ELF1: variants seen among roughly 807,000 people sequenced by gnomAD.
ELF1 encodes E74 like ETS transcription factor 1, also known as ETS-related transcription factor Elf-1.
A neutral mutation model predicts 59.9 loss-of-function variants in ELF1; 24 were observed. The observed-to-expected ratio is 0.40, with a 90% CI of 0.29 to 0.56. The LOEUF (loss-of-function observed/expected upper bound fraction) is 0.56, where lower values mean the gene tolerates loss of function less well. Ranked by LOEUF, ELF1 falls within the 20% of genes least tolerant of loss-of-function variation. The pLI is 0.44. For synonymous variants in ELF1, 248 were observed against 266.2 expected, an observed-to-expected ratio of 0.93 and a Z score of 0.67; for missense variants, 627 against 742.2, an observed-to-expected ratio of 0.84 and a Z score of 1.80.
intron 1 of ELF1, among the ~76,000 whole-genome samples, chr13:41,057,071 T>C (rs530874608): frequency 6.6e-6 from 1 of 152,074 alleles, no homozygotes; most frequent in South Asian, 2.1e-4. Flanking sequence ...TTAGCTGAAA[T>C]GCAGTAATTG....
At chr13:41,042,578 G>C (rs886498238) in intron 1 of ELF1, among the ~76,000 whole-genome samples, 3 of 151,930 alleles carry the variant, frequency 2.0e-5, no homozygotes, top group African/African-American at 4.8e-5. Flanking sequence ...TTGTCCTTGC[G>C]ATAGTTTGCT....
chr13:40,975,720 T>C (rs1872865022), intron 2 of ELF1, among the ~76,000 whole-genome samples: 1 of 152,192 alleles, frequency 6.6e-6, no homozygotes, highest in African/African-American at 2.4e-5. Context: ...GTGGGCAAGG[T>C]ATCACCCTCT....
intron 1 of ELF1, among the ~76,000 whole-genome samples, chr13:41,057,202 C>T (rs1877319135): frequency 6.7e-6 from 1 of 150,174 alleles, no homozygotes; most frequent in Non-Finnish European, 1.5e-5. Flanking sequence ...TGCTCTGTCA[C>T]CTGGAGTGTA....
At chr13:40,955,007 G>A (rs1428965080) in intron 3 of ELF1, among the ~76,000 whole-genome samples, 161 of 149,702 alleles carry the variant, frequency 1.1e-3, no homozygotes, top group African/African-American at 3.7e-3. Flanking sequence ...AGTGAGGAGC[G>A]TCTCTGCCAG....
upstream of ELF1, among the ~76,000 whole-genome samples, chr13:41,022,957 G>T (rs1875746949): frequency 6.6e-6 from 1 of 152,046 alleles, no homozygotes; most frequent in African/African-American, 2.4e-5. Flanking sequence ...AAGGGAGGAA[G>T]GGAGGAAGGA....
chr13:40,964,646 C>A (rs1304766075), intron 2 of ELF1, among the ~76,000 whole-genome samples: 2 of 152,160 alleles, frequency 1.3e-5, no homozygotes, highest in African/African-American at 2.4e-5. Context: ...GCGATCCTCT[C>A]ACCTCAGCCT....
intron 1 of ELF1, among the ~76,000 whole-genome samples, chr13:41,041,101 G>A (rs1306003356): frequency 2.6e-5 from 4 of 152,036 alleles, no homozygotes; most frequent in Admixed American, 1.3e-4. Flanking sequence ...CATCAGGAGA[G>A]AAAATTATAG....
chr13:41,046,294 A>C (rs367989612), intron 1 of ELF1, among the ~76,000 whole-genome samples: 1 of 152,156 alleles, frequency 6.6e-6, no homozygotes, highest in African/African-American at 2.4e-5. Flanking sequence ...ATTTAAGGTT[A>C]ATATTGTTAT....
chr13:40,949,304 A>G (rs1021429015), intron 5 of ELF1, among the ~76,000 whole-genome samples: 1 of 151,760 alleles, frequency 6.6e-6, no homozygotes, highest in African/African-American at 2.4e-5. Flanking sequence ...TAATTTTTTA[A>G]AAGAAATGAT....
At chr13:41,023,223 G>A (rs189745746), upstream of ELF1, among the ~76,000 whole-genome samples, 653 of 152,068 alleles carry the variant, frequency 4.3e-3, 3 homozygotes, top group Middle Eastern at 0.01. Context: ...ATTGTGCTAG[G>A]GCTCATTTTT....
chr13:41,004,344 G>A (rs1874628283), intron 1 of ELF1, among the ~76,000 whole-genome samples: 2 of 151,944 alleles, frequency 1.3e-5, no homozygotes, highest in Admixed American at 1.3e-4. Context: ...GAGAGAACAT[G>A]AAAGGAAAGG....
chr13:41,024,422 C>T (rs1361411483), intron 1 of ELF1, among the ~76,000 whole-genome samples: 2 of 152,202 alleles, frequency 1.3e-5, no homozygotes, highest in Non-Finnish European at 2.9e-5. Context: ...TTCTGCCTCC[C>T]AGGCGATCCT....
intron 8 of ELF1, 96 bp from the exon 9 acceptor site, chr13:40,934,124 T>C (rs1219275856): frequency 6.8e-6 from 10 of 1,468,510 alleles, no homozygotes; most frequent in Non-Finnish European, 9.1e-6. Flanking sequence ...ATACCAGTTA[T>C]GTGTTTCAAA....
At chr13:40,948,134 C>T (rs1870615868) in intron 5 of ELF1, among the ~76,000 whole-genome samples, 1 of 152,176 alleles carries the variant, frequency 6.6e-6, no homozygotes, top group Non-Finnish European at 1.5e-5. Context: ...ACTGCCCCAC[C>T]TTAATACATG....
intron 2 of ELF1, among the ~76,000 whole-genome samples, chr13:40,979,606 G>A (rs913720030): frequency 1.3e-5 from 2 of 152,166 alleles, no homozygotes; most frequent in African/African-American, 4.8e-5. Context: ...ATAATGGGCT[G>A]CTCATGATGT....
chr13:41,019,521 T>C (rs1875603387), upstream of ELF1: 3 of 408,950 alleles, frequency 7.3e-6, no homozygotes, highest in South Asian at 1.0e-4. Context: ...CTCATATTAA[T>C]TGCCATAATT....
At chr13:40,996,025 G>T (rs1358592686) in intron 1 of ELF1, among the ~76,000 whole-genome samples, 1 of 152,142 alleles carries the variant, frequency 6.6e-6, no homozygotes, top group African/African-American at 2.4e-5. Flanking sequence ...GACCTTAACA[G>T]ACACCTCAGC....
rs745361495 is a variant in ELF1 at position 40,951,378 on chromosome 13, T to C, written c.312A>G (p.Ala104=). ...ETIETIEAAE[A]LLNMDSPGPM... ...GGCCAGGGGAATCCATATTGAGGAGTGCCTCAGCAGCCTCAATAGTTTCAA... is the reference window on the plus strand; with the variant it reads ...GGCCAGGGGAATCCATATTGAGGAGCGCCTCAGCAGCCTCAATAGTTTCAA... The change falls in exon 4 of 9, where the codon GCA becomes GCG. Residue 104 remains alanine, a synonymous_variant. Transcript: ENST00000239882. 1.2e-6 allele frequency: 2 copies of C among 1,613,842 alleles called. No homozygotes were observed. Among genetic ancestry groups the C allele is most frequent in the Non-Finnish European group, 1.7e-6 (2 of 1,179,886 alleles).
intron 1 of ELF1, among the ~76,000 whole-genome samples, chr13:40,993,731 C>T (rs1035547744): frequency 3.9e-5 from 6 of 152,166 alleles, no homozygotes; most frequent in South Asian, 4.2e-4. Context: ...GCAATCCTCC[C>T]GTCTAGGCCT....
Sources: allele counts gnomAD v4.1 joint callset (sites outside exome capture counted in the v4.1 genomes callset), GRCh38; gene constraint gnomAD v4.1.1; transcripts MANE v1.5; gene names NCBI Gene and HGNC (gene_info 2026-07-23, HGNC 2026-07-21).